The following PCDHA13 variants were observed in gnomAD, a reference collection of about 807,000 sequenced individuals.
PCDHA13 encodes protocadherin alpha 13.
A neutral mutation model predicts 64.8 loss-of-function variants in PCDHA13; 54 were observed. That is an observed-to-expected ratio of 0.83 (90% CI 0.67 to 1.04). The LOEUF (loss-of-function observed/expected upper bound fraction) is 1.04. Among genes scored for constraint, PCDHA13 ranks in the 50% least tolerant of loss-of-function variants. The pLI is 0.00. For synonymous variants in PCDHA13, 587 were observed against 564.4 expected (o/e 1.04, Z -0.57); for missense variants, 1,248 against 1,254.3 (o/e 0.99, Z 0.08).
At chr5:140,888,610 A>G (rs1180344966) in intron 1 of PCDHA13, among the ~76,000 whole-genome samples, 1 of 152,210 alleles carries the variant, frequency 6.6e-6, no homozygotes, top group African/African-American at 2.4e-5. Context: ...CTTTTAGTGT[A>G]GCACTAATTC....
At chr5:141,009,257 C>T (rs1375950001) in intron 3 of PCDHA13, among the ~76,000 whole-genome samples, 1 of 152,136 alleles carries the variant, frequency 6.6e-6, no homozygotes, top group East Asian at 1.9e-4. Flanking sequence ...GTGTTTGAGA[C>T]CAGCCTGGGC....
chr5:140,913,981 G>A (rs1222294742), intron 1 of PCDHA13, among the ~76,000 whole-genome samples: 1 of 152,090 alleles, frequency 6.6e-6, no homozygotes, highest in Non-Finnish European at 1.5e-5. Flanking sequence ...TTTAGGACTT[G>A]TATTGTGACT....
chr5:140,926,682 C>T, intron 1 of PCDHA13: 1 of 656,722 alleles, frequency 1.5e-6, no homozygotes, highest in Non-Finnish European at 2.3e-6. Context: ...CAGCCTCCAG[C>T]CTAGCAAGCC....
chr5:140,928,368 A>G, intron 1 of PCDHA13: 3 of 1,614,212 alleles, frequency 1.9e-6, no homozygotes, highest in Non-Finnish European at 2.5e-6. Context: ...CTGAAGGGCC[A>G]TCAGCCTCTA....
At chr5:140,935,616 C>T (rs1247673748) in intron 1 of PCDHA13, among the ~76,000 whole-genome samples, 13 of 151,976 alleles carry the variant, frequency 8.6e-5, no homozygotes, top group African/African-American at 3.1e-4. Flanking sequence ...TTTTTCAAGT[C>T]GCTTTCAAAT....
At chr5:141,008,434 A>G (rs1466409442) in intron 3 of PCDHA13, among the ~76,000 whole-genome samples, 2 of 152,196 alleles carry the variant, frequency 1.3e-5, no homozygotes, top group Admixed American at 6.5e-5. Context: ...CACTTTGCCC[A>G]GACAGACCAT....
At chr5:140,997,206 T>A (rs2097763489) in intron 3 of PCDHA13, among the ~76,000 whole-genome samples, 1 of 152,118 alleles carries the variant, frequency 6.6e-6, no homozygotes, top group Non-Finnish European at 1.5e-5. Context: ...ATTGACATCA[T>A]TATTGAAACT....
At chr5:140,993,532 AG>A (rs2097571069) in intron 3 of PCDHA13, among the ~76,000 whole-genome samples, 7 of 152,102 alleles carry the variant, frequency 4.6e-5, no homozygotes, top group African/African-American at 1.7e-4. Context: ...ACAGAGAGAG[AG>A]AGAGATAGAG....
intron 3 of PCDHA13, among the ~76,000 whole-genome samples, chr5:140,990,637 C>A (rs2097404568): frequency 6.6e-6 from 1 of 152,154 alleles, no homozygotes; most frequent in South Asian, 2.1e-4. Flanking sequence ...AGACTAGAAG[C>A]CTCAGCCAGT....
chr5:140,940,844 T>C (rs942965203), intron 1 of PCDHA13, among the ~76,000 whole-genome samples: 1 of 152,228 alleles, frequency 6.6e-6, no homozygotes. Flanking sequence ...TTCTTCACGA[T>C]AGATTTTTAT....
chr5:140,910,551 T>G (rs1330218807), intron 1 of PCDHA13, among the ~76,000 whole-genome samples: 1 of 152,178 alleles, frequency 6.6e-6, no homozygotes, highest in East Asian at 1.9e-4. Flanking sequence ...TTGCAAAGTA[T>G]TAGTCAAGGA....
intron 3 of PCDHA13, among the ~76,000 whole-genome samples, chr5:140,998,018 G>A (rs575495303): frequency 2.0e-5 from 3 of 152,170 alleles, no homozygotes; most frequent in Admixed American, 6.5e-5. Flanking sequence ...TCCCCACCTC[G>A]AGCTAGTGCT....
chr5:140,925,447 T>G (rs2153577798), intron 1 of PCDHA13, among the ~76,000 whole-genome samples: 1 of 152,154 alleles, frequency 6.6e-6, no homozygotes, highest in Non-Finnish European at 1.5e-5. Context: ...AGAATTTGGG[T>G]GTATCTGTTG....
Position 140,884,461 on chromosome 5 carries a change from G to C in PCDHA13, c.2193G>C (p.Ala731=). ...GCTCGGCACCGCCCACCGAGGGCGC[G>C]TGCGCGCCGGGCAAGCCCACTCTAG... ...LRCSAPPTEG[A]CAPGKPTLVC... Residue 731 remains alanine, a synonymous_variant, in exon 1 of 4, where the codon GCG becomes GCC. Transcript: ENST00000289272. The C allele has an allele frequency of 1.9e-6, 3 of 1,613,764 alleles. No homozygotes were observed. Among genetic ancestry groups the C allele is most frequent in the Non-Finnish European group, 2.5e-6 (3 of 1,179,818 alleles).
intron 1 of PCDHA13, among the ~76,000 whole-genome samples, chr5:140,957,164 T>C (rs2095337835): frequency 6.6e-6 from 1 of 152,148 alleles, no homozygotes; most frequent in Non-Finnish European, 1.5e-5. Flanking sequence ...CAAATCTAAG[T>C]ATATAAATTG....
At chr5:140,994,704 CA>C (rs1294993555) in intron 3 of PCDHA13, among the ~76,000 whole-genome samples, 1 of 150,730 alleles carries the variant, frequency 6.6e-6, no homozygotes, top group Non-Finnish European at 1.5e-5. Flanking sequence ...GACCCTGTCT[CA>C]AAAAAAAATT....
At chr5:140,922,791 T>A (rs1454046146) in intron 1 of PCDHA13, among the ~76,000 whole-genome samples, 1 of 152,078 alleles carries the variant, frequency 6.6e-6, no homozygotes, top group Non-Finnish European at 1.5e-5. Flanking sequence ...AAACTGTAGC[T>A]TTGGAATACA....
chr5:140,956,904 G>A lies in PCDHA13; in HGVS notation c.2395-22045G>A, dbSNP rs182022057. ...TATCAATGAATGAATATTCTTAAAT[G>A]TATAAACTTTAATCTTGCTGGATAT... On this transcript the variant is annotated intron_variant, in intron 1 of 3. Transcript: ENST00000289272. Among the ~76,000 whole-genome samples, 178 of 152,232 alleles carry A rather than the reference G, an allele frequency of 1.2e-3. 1 individual carries two copies. Among genetic ancestry groups the A allele is most frequent in the African/African-American group, 3.9e-3 (163 of 41,538 alleles).
intron 3 of PCDHA13, among the ~76,000 whole-genome samples, chr5:141,005,648 G>A (rs1354125322): frequency 7.4e-6 from 1 of 135,988 alleles, no homozygotes; most frequent in Non-Finnish European, 1.5e-5. Flanking sequence ...CTTGCAGTGA[G>A]TCGAGATCGC....
Sources: allele counts gnomAD v4.1 joint callset (sites outside exome capture counted in the v4.1 genomes callset), GRCh38; gene constraint gnomAD v4.1.1; transcripts MANE v1.5; gene names NCBI Gene and HGNC (gene_info 2026-07-23, HGNC 2026-07-21).